TMEM176B: variants seen among roughly 807,000 people sequenced by gnomAD.
TMEM176B encodes transmembrane protein 176B, also known as LR8-like protein.
Under a neutral mutation model 30.3 loss-of-function variants are expected in TMEM176B, and 28 were observed. That is an observed-to-expected ratio of 0.92 (90% CI 0.68 to 1.27). The LOEUF is 1.27. TMEM176B is among the 50% of genes most tolerant of loss of function. The pLI is 0.00. For synonymous variants in TMEM176B, 123 were observed against 130.3 expected (o/e 0.94, Z 0.38); for missense variants, 349 against 327.4 (o/e 1.07, Z -0.51).
chr7:150,799,998 G>C (rs550135899), intron 1 of TMEM176B: 1 of 152,448 alleles, frequency 6.6e-6, no homozygotes, highest in African/African-American at 2.4e-5. Context: ...CCGCTCCCTG[G>C]CCCCGTCCCA....
At chr7:150,801,127 G>GT, upstream of TMEM176B, 2 of 338,232 alleles carry the variant, frequency 5.9e-6, no homozygotes, top group Non-Finnish European at 8.4e-6. Flanking sequence ...CGCAGCTGCT[G>GT]GCACAGGAGC....
intron 1 of TMEM176B, among the ~76,000 whole-genome samples, chr7:150,798,375 G>A (rs142972644): frequency 1.4e-3 from 212 of 152,114 alleles, no homozygotes; most frequent in African/African-American, 5.0e-3. Flanking sequence ...TCCACCTCCC[G>A]GGTTCACGCC....
chr7:150,791,529 G>A lies in TMEM176B; in HGVS notation c.*2C>T. ...CGGGCACCCCGTGGGGTCTTTGGCA[G>A]CTCACAGGACAATGGCAGTGGAGGT... On this transcript the variant is annotated 3_prime_UTR_variant, in exon 7 of 7. Transcript: ENST00000326442. 6.2e-7 allele frequency: 1 copy of A among 1,613,146 alleles called. No individual in the cohort carries two copies. The highest frequency in any genetic ancestry group is 8.5e-7 in the Non-Finnish European group (1 of 1,179,652).
chr7:150,800,913 G>A (rs1318981530), upstream of TMEM176B: 1 of 985,662 alleles, frequency 1.0e-6, no homozygotes, highest in South Asian at 4.7e-5. Context: ...GAGGAGCGTA[G>A]GAGGGACCCC....
chr7:150,796,768 G>A, intron 1 of TMEM176B, 194 bp from the exon 2 acceptor site: 1 of 575,882 alleles, frequency 1.7e-6, no homozygotes, highest in Non-Finnish European at 3.1e-6. Flanking sequence ...AGACCAGCCT[G>A]GCCAATGTGG....
Sources: gnomAD v4.1 joint callset for allele counts (sites outside exome capture counted in the v4.1 genomes callset) on GRCh38, gnomAD v4.1.1 for gene constraint, MANE v1.5 for transcripts, NCBI Gene and HGNC (gene_info 2026-07-23, HGNC 2026-07-21) for gene names.